Variants in POLE observed in about 807,000 individuals in gnomAD.
POLE encodes the protein DNA polymerase epsilon catalytic subunit A.
POLE carries 188 observed loss-of-function variants against 279.2 expected under a neutral mutation model. That is an observed-to-expected ratio of 0.67 (90% CI 0.60 to 0.76). The LOEUF is 0.76. Ranked by LOEUF, POLE falls within the 30% of genes least tolerant of loss-of-function variation. POLE has a pLI of 0.00. For missense variants in POLE, 2,703 were observed against 3,016.7 expected (o/e 0.90, Z 2.44); for synonymous variants, 1,214 against 1,172.5 (o/e 1.04, Z -0.72).
rs1555221517 is a variant in POLE, at chr12:132,636,038, A to G, written c.5679-14T>C. 7 of 1,608,184 alleles carry G rather than the reference A, an allele frequency of 4.4e-6. No homozygotes were observed. Among genetic ancestry groups the G allele is most frequent in the Non-Finnish European group, 5.9e-6 (7 of 1,177,536 alleles). On this transcript the variant is annotated splice_polypyrimidine_tract_variant and intron_variant, in intron 41 of 48. Transcript: ENST00000320574. ...TTTGAATGGATGCTGCAGAGGAAGC[A>G]TTGAAGACGCTGCTTCAGTGAAATC...
rs1018143132 is a variant in POLE at position 132,687,309 on chromosome 12, G to C, written c.7C>G (p.Leu3Val). The C allele has an allele frequency of 9.3e-6, 14 of 1,503,484 alleles. 1 individual carries two copies. In the East Asian group the frequency reaches 3.2e-4, roughly 34 times the overall value. 93.1% of individuals were successfully genotyped at this position (1,503,484 alleles called of 1,614,324 possible). The change falls in exon 1 of 49, where the codon CTG becomes GTG. Residue 3 changes from leucine (L) to valine (V), a missense_variant. Coordinates refer to ENST00000320574, the MANE Select transcript of POLE (RefSeq NM_006231.4). The part of the protein sequence containing the change: MS[L>V]RSGGRRRADP... ...GCGCGCCGCCGCCCGCCGCTCCTCA[G>C]AGACATGGAGCCGTTGGCTACCACC...
Position 132,657,119 on chromosome 12 carries a change from T to C in POLE, c.3582+17A>G, listed in dbSNP as rs5744889. The C allele has an allele frequency of 0.96, 1,555,933 of 1,613,426 alleles. 750,395 individuals carry two copies. Among genetic ancestry groups the C allele is most frequent in the East Asian group, 1 (44,836 of 44,846 alleles). On this transcript the variant is annotated intron_variant, in intron 29 of 48. Transcript: ENST00000320574. ...ACAAGGATCCCGCCCAGCCCAGCCT[T>C]GGGGCCCCACCGTCACCTGTCTCCT...
Position 132,680,194 on chromosome 12 carries a change from T to A in POLE, c.314A>T (p.Tyr105Phe), listed in dbSNP as rs1451750169. 1.2e-6 allele frequency: 2 copies of A among 1,614,148 alleles called. No homozygotes were observed. The highest frequency in any genetic ancestry group is 1.7e-6 in the Non-Finnish European group (2 of 1,179,972). ...KVALPYKPYF[Y>F]IATRKGCERE... The stretch of plus-strand genomic sequence containing the variant: ...CACACTCACCTTTCTGGTCGCAATG[T>A]AGAAATACGGTTTATAGGGCAAAGC... The change falls in exon 4 of 49, where the codon TAC (tyrosine) becomes TTC (phenylalanine). Residue 105 changes from tyrosine (Y) to phenylalanine (F), a missense_variant. Around this residue, in one of 5 missense-constraint regions of POLE, gnomAD observed 1,011 missense variants for 1,111.7 expected, o/e 0.91. Transcript: ENST00000320574.
Position 132,624,188 on chromosome 12 carries a change from CTG to C in POLE, c.*507_*508del, listed in dbSNP as rs1016107932. 2 of 224,874 alleles carry C rather than the reference CTG, an allele frequency of 8.9e-6. No individual in the cohort carries two copies. The highest frequency in any genetic ancestry group is 5.3e-5 in the Admixed American group (1 of 18,878). The allele number at this position is 224,874 out of a possible 1,614,324, so 13.9% of individuals were successfully genotyped here. Reference sequence around the variant, plus strand: ...GGGGAAACCAGCCCACAAACTGCTCCTGTGAGGCTGTGGGGCCAGCCCATTTC... The same window carrying C: ...GGGGAAACCAGCCCACAAACTGCTCCTGAGGCTGTGGGGCCAGCCCATTTC... On this transcript the variant is annotated 3_prime_UTR_variant, in exon 49 of 49. Transcript: ENST00000320574.
At position 132,659,428 on chromosome 12, in the gene POLE, C is replaced by G. The variant is rs1164020030; in HGVS notation, c.3142G>C (p.Glu1048Gln). 1 of 1,614,082 alleles carries G rather than the reference C, an allele frequency of 6.2e-7. No homozygotes were observed. Among genetic ancestry groups the G allele is most frequent in the Non-Finnish European group, 8.5e-7 (1 of 1,180,024 alleles). Residue 1048 changes from glutamate (E) to glutamine (Q), a missense_variant, in exon 26 of 49, where the codon GAG (glutamate) becomes CAG (glutamine). Glu to Gln is a conservative substitution (Grantham distance 29, BLOSUM62 2). Coordinates refer to ENST00000320574, the MANE Select transcript of POLE (RefSeq NM_006231.4). Reference sequence around the variant, plus strand: ...GTGCTGATGGACGTAGACTTCTGCTCCCCGTAATCTTCCAGCTTCCGAGAC... The same window carrying G: ...GTGCTGATGGACGTAGACTTCTGCTGCCCGTAATCTTCCAGCTTCCGAGAC... ...SMSRKLEDYG[E>Q]QKSTSISTAK...
chr12:132,640,981 G>A (rs767141978), intron 39 of POLE: 3 of 456,674 alleles, frequency 6.6e-6, no homozygotes, highest in South Asian at 1.5e-5. Context: ...CTGAGTACAG[G>A]CTCTGGAATT....
chr12:132,681,356 T>G, intron 1 of POLE, 77 bp from the exon 2 acceptor site: 2 of 1,501,114 alleles, frequency 1.3e-6, no homozygotes, highest in Middle Eastern at 2.1e-4. Flanking sequence ...TTTTTTCTTT[T>G]TTTTTGAGAC....
chr12:132,631,748 C>CTCCG (rs774270687), intron 45 of POLE, among the ~76,000 whole-genome samples: 9 of 152,334 alleles, frequency 5.9e-5, no homozygotes, highest in East Asian at 3.9e-4. Flanking sequence ...GCCTACTGGT[C>CTCCG]TCCGGTGACC....
Position 132,679,626 on chromosome 12 carries a change from C to T in POLE, c.449G>A (p.Arg150Gln), listed in dbSNP as rs780775837. ...GTGGAAGGACAGCCTGATGTAATTT[C>T]GCTTCAAACCCACCAAGTGATTTGG... is the stretch of plus-strand genomic sequence containing the variant. Reference protein sequence around the residue: ...DLPNHLVGLKRNYIRLSFHTV... With the variant: ...DLPNHLVGLKQNYIRLSFHTV... Residue 150 changes from arginine to glutamine, a missense_variant, in exon 6 of 49, where the codon CGA (arginine) becomes CAA (glutamine). Transcript: ENST00000320574. The T allele has an allele frequency of 7.4e-6, 12 of 1,611,646 alleles. No individual in the cohort carries two copies. The highest frequency in any genetic ancestry group is 3.3e-5 in the South Asian group (3 of 91,056).
At chr12:132,643,656 G>T in intron 33 of POLE, 96 bp from the exon 34 acceptor site, 1 of 1,557,990 alleles carries the variant, frequency 6.4e-7, no homozygotes, top group Non-Finnish European at 8.8e-7. Context: ...TGCCCCTGCA[G>T]CTGCCCGGCC....
In POLE at chr12:132,672,224, G is replaced by A. The variant is rs1347081332; in HGVS notation, c.1785C>T (p.Asn595=). The change falls in exon 16 of 49, where the codon AAC becomes AAT. Residue 595 remains asparagine (N), a synonymous_variant. Transcript: ENST00000320574. ...EEKVPVEQVT[N]FEEVCDEIKS... is the part of the protein sequence containing the mutation. Reference sequence around the variant, plus strand: ...CCTCCCTGATGGTTACCTCTTCAAAGTTGGTGACTTGCTCCACAGGCACTT... The same window carrying A: ...CCTCCCTGATGGTTACCTCTTCAAAATTGGTGACTTGCTCCACAGGCACTT... 6.2e-7 allele frequency: 1 copy of A among 1,612,976 alleles called. No individual in the cohort carries two copies. The highest frequency in any genetic ancestry group is 1.1e-5 in the South Asian group (1 of 91,074).
chr12:132,686,191 C>A lies in POLE; in HGVS notation c.62+1063G>T, dbSNP rs561609155. ...CGCGCCGGGCCTCATCCGTTTTCTG[C>A]TTATGGCAGGCCAGTCCTCCGGTCA... On this transcript the variant is annotated intron_variant, in intron 1 of 48. Coordinates refer to ENST00000320574, the MANE Select transcript of POLE (RefSeq NM_006231.4). Among the ~76,000 whole-genome samples, 3 of 152,118 alleles carry A rather than the reference C, an allele frequency of 2.0e-5. No individual in the cohort carries two copies. The South Asian group carries it at 6.2e-4, about 32-fold the overall frequency.
intron 15 of POLE, 88 bp downstream of exon 15, chr12:132,672,539 G>A: frequency 2.2e-6 from 3 of 1,388,942 alleles, no homozygotes; most frequent in Admixed American, 3.5e-5. Flanking sequence ...AGGATGGGGA[G>A]AAGGGGCTTT....
In POLE at chr12:132,636,440, G is replaced by GA. The variant is rs2042034302; in HGVS notation, c.5679-417_5679-416insT. 4.4e-4 allele frequency among the ~76,000 whole-genome samples: 31 copies of GA among 70,362 alleles called. 4 individuals carry two copies. The highest frequency in any genetic ancestry group is 4.7e-4 in the Non-Finnish European group (16 of 33,880). The allele number at this position is 70,362 out of a possible 152,430, so 46.2% of individuals were successfully genotyped here. On this transcript the variant is annotated intron_variant, in intron 41 of 48. Transcript: ENST00000320574. ...TCCTCTGCACATTAGATCCATTTAA[G>GA]GAAAAAAAAAAAAAAAAAAAAAAAA...
At chr12:132,644,316 C>T (rs910887235) in intron 32 of POLE, among the ~76,000 whole-genome samples, 2 of 146,490 alleles carry the variant, frequency 1.4e-5, no homozygotes, top group African/African-American at 2.5e-5. Context: ...CACACCACCA[C>T]GGATGGCTTT....
At chr12:132,673,461 C>T (rs762796855) in intron 13 of POLE, 114 bp downstream of exon 13, 29 of 1,473,816 alleles carry the variant, frequency 2.0e-5, no homozygotes, top group Middle Eastern at 1.8e-4. Context: ...GGCATACATG[C>T]GTGCACACGG....
In POLE at chr12:132,675,082, A is replaced by G. The variant is rs1326285092; in HGVS notation, c.1226+316T>C. On this transcript the variant is annotated intron_variant, in intron 12 of 48. Coordinates refer to ENST00000320574, the MANE Select transcript of POLE (RefSeq NM_006231.4). This position sits in a 1 kb window ranked among gnomAD's most constrained non-coding sequence, Gnocchi z 4.3. ...GAGGCAGCCGGGCTGCCACATCCCA[A>G]CCTTGCCTGGGCAGAGCAGCTCCAT... 6.6e-6 allele frequency among the ~76,000 whole-genome samples: 1 copy of G among 152,068 alleles called. No homozygotes were observed. Among genetic ancestry groups the G allele is most frequent in the Non-Finnish European group, 1.5e-5 (1 of 67,988 alleles).
chr12:132,676,130 A>G lies in POLE; in HGVS notation c.984T>C (p.Tyr328=), dbSNP rs1593078331. The G allele has an allele frequency of 6.2e-7, 1 of 1,612,234 alleles. No individual in the cohort carries two copies. The highest frequency in any genetic ancestry group is 1.7e-5 in the Admixed American group (1 of 59,532). The change falls in exon 10 of 49, where the codon TAT becomes TAC. Residue 328 remains tyrosine, a synonymous_variant. Coordinates refer to ENST00000320574, the MANE Select transcript of POLE (RefSeq NM_006231.4). ...EDFEFTPKPE[Y]EGPFCVFNEP... is the part of the protein sequence containing the mutation. ...CATTGAAGACACAAAAGGGGCCTTC[A>G]TATTCTGGCTTGGGGGTGAACTCAA... is the stretch of plus-strand genomic sequence containing the variant.
intron 32 of POLE, among the ~76,000 whole-genome samples, chr12:132,647,555 T>C (rs577362830): frequency 6.6e-6 from 1 of 151,924 alleles, no homozygotes; most frequent in African/African-American, 2.4e-5. Context: ...AAACAGCTAA[T>C]ACACACAGAG....
Sources: gnomAD v4.1 joint callset for allele counts (sites outside exome capture counted in the v4.1 genomes callset) on GRCh38, gnomAD v4.1.1 for gene constraint, gnomAD v4.1.1 regional missense constraint, Gnocchi (gnomAD v3.1) non-coding constraint, MANE v1.5 for transcripts, NCBI Gene and HGNC (gene_info 2026-07-23, HGNC 2026-07-21) for gene names.